The following SPIDR variants were observed in gnomAD, a reference collection of about 807,000 sequenced individuals.
SPIDR encodes scaffold protein involved in DNA repair, also known as DNA repair-scaffolding protein.
In SPIDR, 93 loss-of-function variants were observed where a neutral mutation model predicts 104.6. The ratio of observed to expected loss-of-function variants is 0.89; its 90% CI spans 0.75 to 1.06. SPIDR has a LOEUF of 1.06. Ranked by LOEUF, SPIDR falls within the 50% of genes least tolerant of loss-of-function variation. The pLI is 0.00. For missense variants in SPIDR, 1,154 were observed against 1,111.2 expected (o/e 1.04, Z -0.55); for synonymous variants, 431 against 416.9 (o/e 1.03, Z -0.41).
At chr8:47,490,127 A>G (rs1554737762) in intron 8 of SPIDR, among the ~76,000 whole-genome samples, 1 of 152,230 alleles carries the variant, frequency 6.6e-6, no homozygotes, top group African/African-American at 2.4e-5. Context: ...AATATCCAGA[A>G]TCTACAAAGA....
At chr8:47,433,842 A>G (rs2067791194) in intron 7 of SPIDR, among the ~76,000 whole-genome samples, 2 of 152,228 alleles carry the variant, frequency 1.3e-5, no homozygotes, top group South Asian at 2.1e-4. Context: ...AACCTTGACA[A>G]TGAAAGTGGA....
intron 8 of SPIDR, among the ~76,000 whole-genome samples, chr8:47,451,555 T>G (rs1305851306): frequency 2.0e-5 from 3 of 149,520 alleles, no homozygotes; most frequent in African/African-American, 7.4e-5. Context: ...CACTCCAGCC[T>G]AGGCGACATT....
chr8:47,472,115 C>G (rs1161468525), intron 8 of SPIDR, among the ~76,000 whole-genome samples: 2 of 152,174 alleles, frequency 1.3e-5, no homozygotes, highest in African/African-American at 4.8e-5. Context: ...TGTATCTTCC[C>G]CATTTTCTAT....
intron 8 of SPIDR, among the ~76,000 whole-genome samples, chr8:47,488,976 A>C (rs2078185716): frequency 6.6e-6 from 1 of 152,188 alleles, no homozygotes; most frequent in South Asian, 2.1e-4. Context: ...ACTCCTATTC[A>C]ACATAGTGTT....
At chr8:47,291,160 A>G in intron 4 of SPIDR, 23 bp downstream of exon 4, 3 of 1,516,982 alleles carry the variant, frequency 2.0e-6, no homozygotes, top group Non-Finnish European at 2.7e-6. Flanking sequence ...GCTCTAGAAT[A>G]GACAGATTTT....
chr8:47,456,952 G>A lies in SPIDR; in HGVS notation c.1097+16410G>A, dbSNP rs529670932. Among the ~76,000 whole-genome samples the A allele has an allele frequency of 3.5e-3, 536 of 152,262 alleles. 1 individual carries two copies. Among genetic ancestry groups the A allele is most frequent in the Non-Finnish European group, 6.0e-3 (406 of 68,028 alleles). On this transcript the variant is annotated intron_variant, in intron 8 of 19. Coordinates refer to ENST00000297423, the MANE Select transcript of SPIDR (RefSeq NM_001080394.4). ...CATTAATTCATTCCTTTTTATGGCT[G>A]AGTAGTATTCCATGGTGTGTATATA...
At chr8:47,444,201 A>G (rs1340657080) in intron 8 of SPIDR, among the ~76,000 whole-genome samples, 2 of 152,212 alleles carry the variant, frequency 1.3e-5, no homozygotes, top group Non-Finnish European at 2.9e-5. Context: ...ACTTGAACAC[A>G]GATATACTAG....
At chr8:47,464,090 T>C (rs1444422206) in intron 8 of SPIDR, among the ~76,000 whole-genome samples, 6 of 150,220 alleles carry the variant, frequency 4.0e-5, no homozygotes, top group African/African-American at 1.5e-4. Context: ...CATGACCTTA[T>C]ATGTAGAAAA....
intron 8 of SPIDR, among the ~76,000 whole-genome samples, chr8:47,477,401 G>T (rs1399698671): frequency 6.6e-6 from 1 of 152,120 alleles, no homozygotes; most frequent in Non-Finnish European, 1.5e-5. Context: ...TTGCCATGTT[G>T]CCCAGGCTGG....
In SPIDR at chr8:47,364,426, C is replaced by T. The variant is rs541806630; in HGVS notation, c.526-31950C>T. On this transcript the variant is annotated intron_variant, in intron 5 of 19. Coordinates refer to ENST00000297423, the MANE Select transcript of SPIDR (RefSeq NM_001080394.4). ...TCAAAAGTAATCAAAAGAACCCTGGCTCTTGTTCCAAGAAGTGTTTTTGAT... is the reference window on the plus strand; with the variant it reads ...TCAAAAGTAATCAAAAGAACCCTGGTTCTTGTTCCAAGAAGTGTTTTTGAT... Among the ~76,000 whole-genome samples the T allele has an allele frequency of 2.8e-3, 421 of 152,274 alleles. 1 individual carries two copies. The highest frequency in any genetic ancestry group is 9.9e-3 in the African/African-American group (411 of 41,554).
At chr8:47,660,387 C>G (rs2073910881) in intron 10 of SPIDR, 2 of 890,248 alleles carry the variant, frequency 2.2e-6, no homozygotes, top group Non-Finnish European at 2.7e-6. Context: ...TGGGAATGCA[C>G]TGTGGAATGT....
intron 5 of SPIDR, among the ~76,000 whole-genome samples, chr8:47,390,740 C>T (rs934730817): frequency 1.3e-5 from 2 of 151,732 alleles, no homozygotes; most frequent in Admixed American, 6.6e-5. Flanking sequence ...TAAAATATTT[C>T]TCAAAGAATT....
chr8:47,428,786 C>T (rs2066851704), intron 7 of SPIDR, among the ~76,000 whole-genome samples: 2 of 152,294 alleles, frequency 1.3e-5, no homozygotes, highest in Admixed American at 1.3e-4. Context: ...TGCCAGTGCC[C>T]ACTCAGCGTG....
At chr8:47,583,829 T>C (rs979427294) in intron 8 of SPIDR, among the ~76,000 whole-genome samples, 1 of 152,228 alleles carries the variant, frequency 6.6e-6, no homozygotes, top group Non-Finnish European at 1.5e-5. Flanking sequence ...CAGCACACTT[T>C]GTCCTGCCTC....
At chr8:47,641,780 C>T (rs928817213) in intron 10 of SPIDR, among the ~76,000 whole-genome samples, 2 of 152,194 alleles carry the variant, frequency 1.3e-5, no homozygotes, top group African/African-American at 4.8e-5. Context: ...CTGACTGCTG[C>T]ATCTTACCCA....
chr8:47,275,518 G>A (rs1448267925), intron 1 of SPIDR, among the ~76,000 whole-genome samples: 2 of 151,990 alleles, frequency 1.3e-5, no homozygotes, highest in African/African-American at 2.4e-5. Flanking sequence ...GTATTCTTAT[G>A]TGTAAATAAG....
intron 5 of SPIDR, among the ~76,000 whole-genome samples, chr8:47,311,260 T>G (rs2044097513): frequency 6.6e-6 from 1 of 152,122 alleles, no homozygotes; most frequent in East Asian, 1.9e-4. Flanking sequence ...TATTCTTTCT[T>G]AAAAAGTGAA....
chr8:47,517,663 A>G (rs1178306482), intron 8 of SPIDR, among the ~76,000 whole-genome samples: 2 of 152,380 alleles, frequency 1.3e-5, no homozygotes, highest in East Asian at 1.9e-4. Flanking sequence ...TATCAATAGT[A>G]TGTAGGCACT....
intron 10 of SPIDR, among the ~76,000 whole-genome samples, chr8:47,621,325 G>A (rs1563337555): frequency 6.6e-6 from 1 of 152,158 alleles, no homozygotes; most frequent in Non-Finnish European, 1.5e-5. Flanking sequence ...CAAATGTCTG[G>A]ATCATTCCAT....
Sources: allele counts gnomAD v4.1 joint callset (sites outside exome capture counted in the v4.1 genomes callset), GRCh38; gene constraint gnomAD v4.1.1; transcripts MANE v1.5; gene names NCBI Gene and HGNC (gene_info 2026-07-23, HGNC 2026-07-21).